Variants in DNAH11 observed in about 807,000 individuals in gnomAD.
The protein encoded by DNAH11 is axonemal beta dynein heavy chain 11.
In DNAH11, 442 loss-of-function variants were observed where a neutral mutation model predicts 526.0. That is an observed-to-expected ratio of 0.84 (90% CI 0.78 to 0.91). The LOEUF is 0.91. Ranked by LOEUF, DNAH11 falls within the 40% of genes least tolerant of loss-of-function variation. The pLI is 0.00. For missense variants in DNAH11, 6,989 were observed against 5,448.7 expected (o/e 1.28, Z -8.90); for synonymous variants, 2,461 against 1,935.9 (o/e 1.27, Z -7.12).
At chr7:21,734,128 G>C (rs1055680911) in intron 45 of DNAH11, among the ~76,000 whole-genome samples, 2 of 152,164 alleles carry the variant, frequency 1.3e-5, no homozygotes, top group Admixed American at 6.5e-5. Context: ...TGTCAGACTT[G>C]GGTTTGAATC....
At chr7:21,560,947 T>C (rs1783432800) in intron 4 of DNAH11, 124 bp from the exon 5 acceptor site, 1 of 654,600 alleles carries the variant, frequency 1.5e-6, no homozygotes, top group Non-Finnish European at 2.6e-6. Context: ...CAGATATAAC[T>C]TTGAGTGTTA....
intron 10 of DNAH11, 141 bp from the exon 11 acceptor site, chr7:21,588,371 A>G (rs1784547195): frequency 7.6e-7 from 1 of 1,321,428 alleles, no homozygotes; most frequent in Non-Finnish European, 1.0e-6. Flanking sequence ...TAGGACTGTA[A>G]CTCTTCTAGT....
intron 62 of DNAH11, among the ~76,000 whole-genome samples, chr7:21,802,938 A>G (rs933138905): frequency 6.7e-6 from 1 of 149,734 alleles, no homozygotes; most frequent in African/African-American, 2.5e-5. Context: ...GTGCAAGTCT[A>G]TATATATATA....
intron 66 of DNAH11, among the ~76,000 whole-genome samples, chr7:21,849,210 A>G (rs1034352152): frequency 3.9e-5 from 6 of 152,166 alleles, no homozygotes; most frequent in African/African-American, 1.4e-4. Context: ...AAATAACACT[A>G]CTGCCTCATT....
At chr7:21,778,353 C>T (rs1787773863) in intron 56 of DNAH11, among the ~76,000 whole-genome samples, 1 of 152,086 alleles carries the variant, frequency 6.6e-6, no homozygotes, top group Admixed American at 6.6e-5. Context: ...ACACAGTTTG[C>T]TCTTCTTAGC....
intron 62 of DNAH11, among the ~76,000 whole-genome samples, chr7:21,806,453 C>T (rs1006318304): frequency 2.0e-5 from 3 of 152,108 alleles, no homozygotes; most frequent in African/African-American, 7.2e-5. Context: ...TTGGGGTGAT[C>T]TTTAATAAGC....
chr7:21,633,502 A>G (rs1786716269), intron 25 of DNAH11, among the ~76,000 whole-genome samples: 1 of 152,192 alleles, frequency 6.6e-6, no homozygotes, highest in Admixed American at 6.5e-5. Context: ...TGTTGGGTTC[A>G]TATACATTTT....
chr7:21,879,598 G>A (rs1211245859), intron 74 of DNAH11, among the ~76,000 whole-genome samples: 1 of 152,118 alleles, frequency 6.6e-6, no homozygotes, highest in Non-Finnish European at 1.5e-5. Flanking sequence ...ATTAGTTAAG[G>A]TACAGGCTAA....
rs751524160 is a variant in DNAH11, at chr7:21,744,480, G to A, written c.8197G>A (p.Asp2733Asn). The A allele has an allele frequency of 6.2e-7, 1 of 1,613,866 alleles. No individual in the cohort carries two copies. The highest frequency in any genetic ancestry group is 1.1e-5 in the South Asian group (1 of 91,062). Reference sequence around the variant, plus strand: ...TCCTGAGTGTTTAAAAGGTCCACTTGATTTAATACATCTGTGGCTTCATGA... The same window carrying A: ...TCCTGAGTGTTTAAAAGGTCCACTTAATTTAATACATCTGTGGCTTCATGA... ...ASPECLKGPL[D>N]LIHLWLHESA... is the part of the protein sequence containing the mutation. Residue 2733 changes from aspartate (D) to asparagine (N), a missense_variant, in exon 50 of 82, where the codon GAT (aspartate) becomes AAT (asparagine). Coordinates refer to ENST00000409508, the MANE Select transcript of DNAH11 (RefSeq NM_001277115.2).
intron 35 of DNAH11, among the ~76,000 whole-genome samples, chr7:21,691,251 G>C (rs371170116): frequency 1.1e-3 from 158 of 149,338 alleles, no homozygotes; most frequent in African/African-American, 3.5e-3. Context: ...CTAACACAAA[G>C]CCAAGGCGCT....
intron 65 of DNAH11, among the ~76,000 whole-genome samples, chr7:21,835,261 C>G (rs906010921): frequency 6.1e-5 from 9 of 147,504 alleles, no homozygotes; most frequent in African/African-American, 2.2e-4. Context: ...TTCTTCCAAA[C>G]TCAACCTGAG....
intron 30 of DNAH11, among the ~76,000 whole-genome samples, chr7:21,671,164 G>A (rs1782627227): frequency 6.6e-6 from 1 of 152,094 alleles, no homozygotes; most frequent in South Asian, 2.1e-4. Context: ...TACATATGCA[G>A]CTGTTTAGTT....
At chr7:21,843,482 GTT>G (rs569307380) in intron 66 of DNAH11, among the ~76,000 whole-genome samples, 8 of 130,832 alleles carry the variant, frequency 6.1e-5, no homozygotes, top group Admixed American at 1.5e-4. Flanking sequence ...GGTTTTTTTT[GTT>G]TTTTTTTTTT....
At chr7:21,755,045 G>T (rs1217764042) in intron 54 of DNAH11, among the ~76,000 whole-genome samples, 1 of 152,168 alleles carries the variant, frequency 6.6e-6, no homozygotes. Context: ...ATGTGTTACA[G>T]GGGGTTGGTG....
chr7:21,893,008 C>T (rs1188231651), intron 77 of DNAH11, among the ~76,000 whole-genome samples: 1 of 152,204 alleles, frequency 6.6e-6, no homozygotes, highest in Non-Finnish European at 1.5e-5. Context: ...CCATGTTGTT[C>T]ATGTACCAAT....
Position 21,617,733 on chromosome 7 carries a change from GC to G in DNAH11, c.4213del (p.Leu1405SerfsTer9). 6.2e-7 allele frequency: 1 copy of G among 1,611,212 alleles called. No individual in the cohort carries two copies. Among genetic ancestry groups the G allele is most frequent in the Non-Finnish European group, 8.5e-7 (1 of 1,178,842 alleles). ...GGCCATCACAGAGTTACAGAGCCCT[GC>G]CCTCAGGGACAGGCATTGGCACCAG... ...LRAITELQSPALRDRHWHQLM... is the reference protein window; with the variant it reads ...LRAITELQSPXLRDRHWHQLM... On this transcript the variant is annotated frameshift_variant, in exon 23 of 82. Coordinates refer to ENST00000409508, the MANE Select transcript of DNAH11 (RefSeq NM_001277115.2). LOFTEE classifies it high-confidence loss of function.
Position 21,604,714 on chromosome 7 carries a change from C to A in DNAH11, c.3649-1712C>A, listed in dbSNP as rs111750398. ...TACCAAGTAAAAACTTGTTTGGAATCCCCAAATATAAAGCAGGTTTGTTGT... is the reference window on the plus strand; with the variant it reads ...TACCAAGTAAAAACTTGTTTGGAATACCCAAATATAAAGCAGGTTTGTTGT... On this transcript the variant is annotated intron_variant, in intron 18 of 81. Transcript: ENST00000409508. Among the ~76,000 whole-genome samples, 494 of 152,242 alleles carry A rather than the reference C, an allele frequency of 3.2e-3. 8 individuals are homozygous for A. Among genetic ancestry groups the A allele is most frequent in the African/African-American group, 0.011 (460 of 41,550 alleles).
chr7:21,894,128 A>G (rs1400571102), intron 77 of DNAH11, among the ~76,000 whole-genome samples: 1 of 152,198 alleles, frequency 6.6e-6, no homozygotes, highest in Admixed American at 6.5e-5. Flanking sequence ...ACTTCAAGCG[A>G]TCTGCCCATC....
At chr7:21,823,308 C>A (rs1187434466) in intron 65 of DNAH11, among the ~76,000 whole-genome samples, 1 of 151,970 alleles carries the variant, frequency 6.6e-6, no homozygotes, top group Non-Finnish European at 1.5e-5. Flanking sequence ...TCATTTGTTT[C>A]CCCATCAATG....
Sources: allele counts gnomAD v4.1 joint callset (sites outside exome capture counted in the v4.1 genomes callset), GRCh38; gene constraint gnomAD v4.1.1; transcripts MANE v1.5; gene names NCBI Gene and HGNC (gene_info 2026-07-23, HGNC 2026-07-21).